RIMBP2: variants seen among roughly 807,000 people sequenced by gnomAD.
The protein encoded by RIMBP2 is RIMS-binding protein 2.
In RIMBP2, 48 loss-of-function variants were observed where a neutral mutation model predicts 118.6. That is an observed-to-expected ratio of 0.40 (90% confidence interval 0.32 to 0.51). The LOEUF (loss-of-function observed/expected upper bound fraction) is 0.51. Among genes scored for constraint, RIMBP2 ranks in the 20% least tolerant of loss-of-function variants. The pLI, the probability that RIMBP2 is intolerant of heterozygous loss-of-function variation, is 0.41. For synonymous variants in RIMBP2, 762 were observed against 742.9 expected (o/e 1.03, Z -0.42); for missense variants, 1,551 against 1,768.3 (o/e 0.88, Z 2.20).
intron 1 of RIMBP2, among the ~76,000 whole-genome samples, chr12:130,668,888 C>A (rs1431549112): frequency 6.6e-6 from 1 of 152,226 alleles, no homozygotes; most frequent in Non-Finnish European, 1.5e-5. Flanking sequence ...CATGTTAAGC[C>A]AAGTTGAGCC....
At chr12:130,646,322 T>G (rs61936799) in intron 1 of RIMBP2, among the ~76,000 whole-genome samples, 7 of 5,234 alleles carry the variant, frequency 1.3e-3, no homozygotes, top group African/African-American at 3.0e-3. Flanking sequence ...CACTTCCCTC[T>G]CCACCTGCCT....
At position 130,434,987 on chromosome 12, in the gene RIMBP2, C is replaced by A; in HGVS notation, c.2107-107G>T. 8.3e-7 allele frequency: 1 copy of A among 1,201,734 alleles called. No homozygotes were observed. The highest frequency in any genetic ancestry group is 1.2e-6 in the Non-Finnish European group (1 of 869,346). The allele number at this position is 1,201,734 out of a possible 1,614,324, so 74.4% of individuals were successfully genotyped here. ...CAGCCCCTCAGAGCCTGGCCAGGCACCCCCCACACAGTGCTTTGGGCCCAG... is the reference window on the plus strand; with the variant it reads ...CAGCCCCTCAGAGCCTGGCCAGGCAACCCCCACACAGTGCTTTGGGCCCAG... On this transcript the variant is annotated intron_variant, in intron 13 of 22. Transcript: ENST00000690449. The surrounding 1 kb of genome is among the most constrained non-coding windows in gnomAD (Gnocchi z 5.7).
At chr12:130,601,506 C>A (rs1392539628) in intron 2 of RIMBP2, among the ~76,000 whole-genome samples, 1 of 152,130 alleles carries the variant, frequency 6.6e-6, no homozygotes, top group Admixed American at 6.5e-5. Context: ...CAGCTTGATG[C>A]CTTAATTAAG....
chr12:130,471,440 G>T (rs1051684989), intron 5 of RIMBP2, among the ~76,000 whole-genome samples: 12 of 152,194 alleles, frequency 7.9e-5, no homozygotes, highest in Admixed American at 4.6e-4. Context: ...ATGATGGTAA[G>T]GACCTGTCGT....
chr12:130,422,318 T>C lies in RIMBP2; in HGVS notation c.3238+135A>G, dbSNP rs2076466752. ...CATTTATCTTGTGCTGTTCCTGCCT[T>C]CTTTTTGCCATGAATAACAGTGTTC... On this transcript the variant is annotated intron_variant, in intron 17 of 22. Coordinates refer to ENST00000690449, the MANE Select transcript of RIMBP2 (RefSeq NM_001393629.1). The surrounding 1 kb of genome is among the most constrained non-coding windows in gnomAD (Gnocchi z 5.2). 3 of 568,380 alleles carry C rather than the reference T, an allele frequency of 5.3e-6. No individual in the cohort carries two copies. The East Asian group carries it at 8.5e-5, about 16-fold the overall frequency. The allele number at this position is 568,380 out of a possible 1,614,324, so 35.2% of individuals were successfully genotyped here.
intron 4 of RIMBP2, among the ~76,000 whole-genome samples, chr12:130,505,074 T>C (rs2050170451): frequency 6.6e-6 from 1 of 152,172 alleles, no homozygotes; most frequent in African/African-American, 2.4e-5. Context: ...TAAGTCACGG[T>C]GTGTGCCCTC....
chr12:130,581,515 C>T lies in RIMBP2; in HGVS notation c.-217+46807G>A, dbSNP rs1410171468. ...ATCATAAGAGCATCCAGAATGAAGCCGAGCTCCTGGCCTTCCTGCCAGTCT... is the reference window on the plus strand; with the variant it reads ...ATCATAAGAGCATCCAGAATGAAGCTGAGCTCCTGGCCTTCCTGCCAGTCT... On this transcript the variant is annotated intron_variant, in intron 2 of 22. Coordinates refer to ENST00000690449, the MANE Select transcript of RIMBP2 (RefSeq NM_001393629.1). The surrounding 1 kb of genome is among the most constrained non-coding windows in gnomAD (Gnocchi z 4.4). 6.6e-6 allele frequency among the ~76,000 whole-genome samples: 1 copy of T among 152,208 alleles called. No homozygotes were observed. Among genetic ancestry groups the T allele is most frequent in the Non-Finnish European group, 1.5e-5 (1 of 68,038 alleles).
intron 4 of RIMBP2, among the ~76,000 whole-genome samples, chr12:130,483,592 C>T (rs1308615781): frequency 6.6e-6 from 1 of 151,432 alleles, no homozygotes; most frequent in Non-Finnish European, 1.5e-5. Flanking sequence ...CAGAGCCCCA[C>T]GCGGCTGTGG....
chr12:130,591,049 C>G (rs1408242525), intron 2 of RIMBP2, among the ~76,000 whole-genome samples: 1 of 152,202 alleles, frequency 6.6e-6, no homozygotes, highest in Non-Finnish European at 1.5e-5. Flanking sequence ...GGTGCATACT[C>G]CAGGTCATAT....
intron 1 of RIMBP2, among the ~76,000 whole-genome samples, chr12:130,646,578 G>A (rs1248741247): frequency 6.6e-6 from 1 of 151,998 alleles, no homozygotes; most frequent in East Asian, 1.9e-4. Context: ...CCCAATCCAA[G>A]GTCGCAAGCA....
At chr12:130,535,704 C>CAT (rs1327631421) in intron 2 of RIMBP2, among the ~76,000 whole-genome samples, 3 of 141,358 alleles carry the variant, frequency 2.1e-5, no homozygotes, top group African/African-American at 2.6e-5. Context: ...CATATATATA[C>CAT]ACATATACAT....
intron 21 of RIMBP2, among the ~76,000 whole-genome samples, chr12:130,401,536 G>A (rs1334273426): frequency 6.6e-6 from 1 of 151,502 alleles, no homozygotes; most frequent in Non-Finnish European, 1.5e-5. Flanking sequence ...GCCCTGCCCC[G>A]CCCCACTCTT....
intron 3 of RIMBP2, among the ~76,000 whole-genome samples, chr12:130,510,939 C>T (rs2050854808): frequency 6.6e-6 from 1 of 152,120 alleles, no homozygotes; most frequent in Admixed American, 6.5e-5. Flanking sequence ...GAGGGAGAAC[C>T]GAAAAGACTG....
chr12:130,442,678 AGAG>A lies in RIMBP2; in HGVS notation c.692-21_692-19del. On this transcript the variant is annotated intron_variant, in intron 10 of 22. Coordinates refer to ENST00000690449, the MANE Select transcript of RIMBP2 (RefSeq NM_001393629.1). The surrounding 1 kb of genome is among the most constrained non-coding windows in gnomAD (Gnocchi z 6.9). ...GAGCTCTCCTGTTGGGTACAAGGACAGAGTTATCACCCAGCCAACACAGCAGGG... is the reference window on the plus strand; with the variant it reads ...GAGCTCTCCTGTTGGGTACAAGGACATTATCACCCAGCCAACACAGCAGGG... 6.2e-7 allele frequency: 1 copy of A among 1,604,600 alleles called. No individual in the cohort carries two copies. The highest frequency in any genetic ancestry group is 1.7e-4 in the Middle Eastern group (1 of 5,994).
chr12:130,428,923 C>A (rs4759464), intron 14 of RIMBP2: 31,758 of 152,212 alleles, frequency 0.21, 4,079 homozygotes, highest in East Asian at 0.41. Flanking sequence ...CGGTGAAAAC[C>A]CATCTCTACT....
chr12:130,678,592 A>G (rs1594191883), intron 1 of RIMBP2, among the ~76,000 whole-genome samples: 1 of 152,024 alleles, frequency 6.6e-6, no homozygotes, highest in African/African-American at 2.4e-5. Context: ...ATCTCGGCTC[A>G]CTGCAGCCTC....
In RIMBP2 at chr12:130,419,727, G is replaced by GT. The variant is rs2136639462; in HGVS notation, c.3238+2725dup. The GT allele has an allele frequency of 6.6e-6, 1 of 152,332 alleles. No individual in the cohort carries two copies. Among genetic ancestry groups the GT allele is most frequent in the African/African-American group, 2.4e-5 (1 of 41,578 alleles). 9.4% of individuals were successfully genotyped at this position (152,332 alleles called of 1,614,324 possible). ...GGAGAATACAGAGGAGATATTCAGAGTTGATTCCTAAGAACAGAATCCTCT... is the reference window on the plus strand; with the variant it reads ...GGAGAATACAGAGGAGATATTCAGAGTTTGATTCCTAAGAACAGAATCCTCT... On this transcript the variant is annotated intron_variant, in intron 17 of 22. Transcript: ENST00000690449. The surrounding 1 kb of genome is among the most constrained non-coding windows in gnomAD (Gnocchi z 4.3).
rs560432844 is a variant in RIMBP2 at position 130,572,764 on chromosome 12, C to T, written c.-216-54847G>A. Among the ~76,000 whole-genome samples, 11 of 152,032 alleles carry T rather than the reference C, an allele frequency of 7.2e-5. 1 individual carries two copies. The East Asian group carries it at 7.8e-4, about 11-fold the overall frequency. On this transcript the variant is annotated intron_variant, in intron 2 of 22. Coordinates refer to ENST00000690449, the MANE Select transcript of RIMBP2 (RefSeq NM_001393629.1). ...GGAGAAGGGGCACTGCTCTGGGGAA[C>T]GCTGGCACACAGCCAGCGCGTGTGC...
At chr12:130,486,708 T>A (rs2082514094) in intron 4 of RIMBP2, among the ~76,000 whole-genome samples, 1 of 115,844 alleles carries the variant, frequency 8.6e-6, no homozygotes, top group Non-Finnish European at 1.7e-5. Context: ...TCCAGATCTT[T>A]GAGAAAAAAA....
Sources: allele counts gnomAD v4.1 joint callset (sites outside exome capture counted in the v4.1 genomes callset), GRCh38; gene constraint gnomAD v4.1.1; non-coding constraint Gnocchi (gnomAD v3.1); transcripts MANE v1.5; gene names NCBI Gene and HGNC (gene_info 2026-07-23, HGNC 2026-07-21).